SRGAP3: variants seen among roughly 807,000 people sequenced by gnomAD.
SRGAP3 encodes the protein SLIT-ROBO Rho GTPase activating protein 3, also known as SLIT-ROBO Rho GTPase-activating protein 3.
SRGAP3 carries 39 observed loss-of-function variants against 121.1 expected under a neutral mutation model. The observed-to-expected ratio is 0.32, with a 90% confidence interval of 0.25 to 0.42. SRGAP3 has a LOEUF of 0.42. SRGAP3 is among the 10% of genes least tolerant of loss of function. The pLI is 1.00. For missense variants in SRGAP3, 1,213 were observed against 1,470.6 expected (o/e 0.82, Z 2.86); for synonymous variants, 601 against 570.0 (o/e 1.05, Z -0.77).
intron 1 of SRGAP3, among the ~76,000 whole-genome samples, chr3:9,207,490 T>C (rs1154391): frequency 0.34 from 52,079 of 152,010 alleles, 9,405 homozygotes; most frequent in Middle Eastern, 0.41. Flanking sequence ...GTATTATAGA[T>C]TGGGCTCCCT....
chr3:9,274,736 G>C (rs904150037), intron 3 of SRGAP3, among the ~76,000 whole-genome samples: 4 of 152,164 alleles, frequency 2.6e-5, no homozygotes, highest in Admixed American at 6.5e-5. Flanking sequence ...AATGGGAAGG[G>C]GAGCTGAAAA....
intron 1 of SRGAP3, among the ~76,000 whole-genome samples, chr3:9,136,805 C>T (rs1275499873): frequency 2.0e-5 from 3 of 152,174 alleles, no homozygotes; most frequent in Non-Finnish European, 4.4e-5. Context: ...ATCCCTGATC[C>T]CCACGGTTCC....
intron 2 of SRGAP3, among the ~76,000 whole-genome samples, chr3:9,121,783 A>G (rs1421271848): frequency 6.6e-6 from 1 of 152,212 alleles, no homozygotes. Flanking sequence ...ATTCCTAATC[A>G]AGGGGAAGGA....
intron 3 of SRGAP3, among the ~76,000 whole-genome samples, chr3:9,321,812 CA>C (rs1466207723): frequency 6.6e-6 from 1 of 151,504 alleles, no homozygotes; most frequent in African/African-American, 2.4e-5. Context: ...TGGGGCCTAT[CA>C]GAGGGTGGAG....
chr3:9,159,904 G>A (rs1950551802), intron 1 of SRGAP3, among the ~76,000 whole-genome samples: 1 of 152,180 alleles, frequency 6.6e-6, no homozygotes, highest in Non-Finnish European at 1.5e-5. Context: ...ATGGAAGAAG[G>A]AAGAGGGAGT....
intron 2 of SRGAP3, among the ~76,000 whole-genome samples, chr3:9,118,861 A>C (rs1445388279): frequency 1.3e-5 from 2 of 152,264 alleles, no homozygotes; most frequent in African/African-American, 4.8e-5. Flanking sequence ...CGTGACAGGC[A>C]CATGAGCGAG....
chr3:9,325,236 G>A (rs4053780), intron 3 of SRGAP3, among the ~76,000 whole-genome samples: 48,101 of 151,444 alleles, frequency 0.32, 8,272 homozygotes, highest in East Asian at 0.53. Context: ...TATGACTATC[G>A]GGAGGATAAT....
intron 1 of SRGAP3, among the ~76,000 whole-genome samples, chr3:9,169,024 C>A (rs995269060): frequency 6.6e-6 from 1 of 152,130 alleles, no homozygotes; most frequent in African/African-American, 2.4e-5. Flanking sequence ...CTTGTGGACC[C>A]TTGTGCAGTG....
At chr3:9,337,872 A>G (rs1307372672) in intron 1 of SRGAP3, among the ~76,000 whole-genome samples, 1 of 152,232 alleles carries the variant, frequency 6.6e-6, no homozygotes, top group Non-Finnish European at 1.5e-5. Context: ...AACACATCAA[A>G]GTTATGAATC....
At position 9,179,750 on chromosome 3, in the gene SRGAP3, G is replaced by A. The variant is rs563983741; in HGVS notation, c.68-54833C>T. On this transcript the variant is annotated intron_variant, in intron 1 of 21. Coordinates refer to ENST00000383836, the MANE Select transcript of SRGAP3 (RefSeq NM_014850.4). ...ACTAACAACGTCATCTCCACAGAGT[G>A]TTACAGTTTGCAACACACTTCCAAG... Among the ~76,000 whole-genome samples the A allele has an allele frequency of 3.3e-5, 5 of 152,354 alleles. No individual in the cohort carries two copies. The East Asian group carries it at 9.6e-4, about 29-fold the overall frequency.
chr3:8,986,182 G>A (rs1213688670), intron 21 of SRGAP3, among the ~76,000 whole-genome samples: 6 of 152,194 alleles, frequency 3.9e-5, no homozygotes, highest in African/African-American at 1.2e-4. Context: ...AGGCTCTGGA[G>A]TCAGACAGAC....
chr3:9,225,783 G>A (rs190699723), intron 1 of SRGAP3, among the ~76,000 whole-genome samples: 108 of 152,276 alleles, frequency 7.1e-4, no homozygotes, highest in African/African-American at 2.5e-3. Context: ...AACAGGTGAC[G>A]CAGGCCAGGT....
At chr3:9,351,841 G>T (rs1347320609) in intron 1 of SRGAP3, among the ~76,000 whole-genome samples, 1 of 152,150 alleles carries the variant, frequency 6.6e-6, no homozygotes, top group Non-Finnish European at 1.5e-5. Context: ...ATTCTCTGTG[G>T]CTCAAAAGTA....
At chr3:9,307,480 G>C (rs1287991449) in intron 3 of SRGAP3, among the ~76,000 whole-genome samples, 5 of 152,186 alleles carry the variant, frequency 3.3e-5, no homozygotes, top group Non-Finnish European at 5.9e-5. Flanking sequence ...AGCAGCCCAT[G>C]AACCTACGAC....
At chr3:9,158,675 C>T (rs1950506347) in intron 1 of SRGAP3, among the ~76,000 whole-genome samples, 1 of 152,224 alleles carries the variant, frequency 6.6e-6, no homozygotes, top group South Asian at 2.1e-4. Context: ...AAGCTATTCT[C>T]TCTCTTTGCA....
chr3:9,283,727 TTA>T (rs911328022), intron 3 of SRGAP3, among the ~76,000 whole-genome samples: 6 of 152,200 alleles, frequency 3.9e-5, no homozygotes, highest in African/African-American at 1.4e-4. Context: ...ACCATGACTC[TTA>T]TACTGACACA....
rs1943601208 is a variant in SRGAP3 at position 9,015,644 on chromosome 3, T to G, written c.1766A>C (p.Asn589Thr). 6.2e-7 allele frequency: 1 copy of G among 1,613,752 alleles called. No individual in the cohort carries two copies. The highest frequency in any genetic ancestry group is 1.1e-5 in the South Asian group (1 of 91,052). Reference sequence around the variant, plus strand: ...AAACCTTTCCTTAGGAAAGAGTGGGTTTTCCAGTCCTCGGAAATACAGTTT... The same window carrying G: ...AAACCTTTCCTTAGGAAAGAGTGGGGTTTCCAGTCCTCGGAAATACAGTTT... The part of the protein sequence containing the change: ...VLKLYFRGLE[N>T]PLFPKERFQD... Residue 589 changes from asparagine (N) to threonine (T), a missense_variant, in exon 15 of 22, where the codon AAC (asparagine) becomes ACC (threonine). Asn to Thr is a moderately conservative substitution (Grantham distance 65, BLOSUM62 0). This residue lies in a region of SRGAP3 where 793 missense variants were observed against 1,032.9 expected (regional missense o/e 0.77). Coordinates refer to ENST00000383836, the MANE Select transcript of SRGAP3 (RefSeq NM_014850.4).
At chr3:9,171,217 C>T (rs1950964991) in intron 1 of SRGAP3, among the ~76,000 whole-genome samples, 2 of 152,210 alleles carry the variant, frequency 1.3e-5, no homozygotes, top group Admixed American at 6.5e-5. Context: ...ATTAAGACAA[C>T]GTGTTACTCC....
Position 9,249,200 on chromosome 3 carries a change from C to T in SRGAP3, c.-249G>A. The T allele has an allele frequency of 1.8e-6, 1 of 570,452 alleles. No homozygotes were observed. The highest frequency in any genetic ancestry group is 2.0e-5 in the South Asian group (1 of 48,866). 35.3% of individuals were successfully genotyped at this position (570,452 alleles called of 1,614,324 possible). A position where few individuals can be genotyped will look rare whatever the true frequency, so the allele number is the denominator to read the frequency against. On this transcript the variant is annotated 5_prime_UTR_variant, in exon 1 of 22. It adds an upstream start codon to the 5' untranslated region. Transcript: ENST00000383836. ...AGCTCCTCTTGCAAAAGAAGAATCACCCTAGGAGCACAGTAACCTGCCCCA... is the reference window on the plus strand; with the variant it reads ...AGCTCCTCTTGCAAAAGAAGAATCATCCTAGGAGCACAGTAACCTGCCCCA...
Sources: allele counts gnomAD v4.1 joint callset (sites outside exome capture counted in the v4.1 genomes callset), GRCh38; gene constraint gnomAD v4.1.1; regional missense constraint gnomAD v4.1.1; transcripts MANE v1.5; gene names NCBI Gene and HGNC (gene_info 2026-07-23, HGNC 2026-07-21).